Variants in TANC2 observed in about 807,000 individuals in gnomAD.
TANC2 encodes protein TANC2.
A neutral mutation model predicts 210.5 loss-of-function variants in TANC2; 26 were observed. That is an observed-to-expected ratio of 0.12 (90% confidence interval 0.09 to 0.17). TANC2 has a LOEUF of 0.17. Among genes scored for constraint, TANC2 ranks in the 10% least tolerant of loss-of-function variants. TANC2 has a pLI of 1.00. For synonymous variants in TANC2, 931 were observed against 967.1 expected, an observed-to-expected ratio of 0.96 and a Z score of 0.69; for missense variants, 2,129 against 2,608.9, an observed-to-expected ratio of 0.82 and a Z score of 4.01.
chr17:63,238,130 T>C (rs2042674341), intron 8 of TANC2, 53 bp downstream of exon 8: 1 of 1,467,400 alleles, frequency 6.8e-7, no homozygotes, highest in Non-Finnish European at 9.0e-7. Context: ...ATCATTTTAC[T>C]CCAGTATATA....
At chr17:62,980,814 TC>T (rs1454148528) in intron 1 of TANC2, among the ~76,000 whole-genome samples, 1 of 152,244 alleles carries the variant, frequency 6.6e-6, no homozygotes, top group Non-Finnish European at 1.5e-5. Context: ...CTTAATTCTT[TC>T]ATCTCACTGG....
At chr17:63,172,775 TCTA>T (rs1159376508) in intron 5 of TANC2, among the ~76,000 whole-genome samples, 1 of 152,188 alleles carries the variant, frequency 6.6e-6, no homozygotes, top group Admixed American at 6.5e-5. Context: ...ATATGTTCTC[TCTA>T]CTAAGAATTT....
In TANC2 at chr17:63,106,208, G is replaced by A. The variant is rs2037816978; in HGVS notation, c.322+6851G>A. On this transcript the variant is annotated intron_variant, in intron 4 of 27. Coordinates refer to ENST00000689528, the Ensembl canonical transcript of TANC2. ...CAAATCAAAAGTAGAGAATGTTAGA[G>A]GGTTATTACTTAATTCAATATAATA... Among the ~76,000 whole-genome samples the A allele has an allele frequency of 1.3e-5, 2 of 151,554 alleles. 1 individual carries two copies. The highest frequency in any genetic ancestry group is 4.1e-4 in the South Asian group (2 of 4,822).
At chr17:63,202,458 G>A (rs985488443) in intron 7 of TANC2, among the ~76,000 whole-genome samples, 5 of 152,084 alleles carry the variant, frequency 3.3e-5, no homozygotes, top group Non-Finnish European at 7.4e-5. Flanking sequence ...AAGAACATAG[G>A]TGGTAATAAG....
intron 3 of TANC2, among the ~76,000 whole-genome samples, chr17:63,092,264 A>T (rs2037225737): frequency 6.6e-6 from 1 of 152,118 alleles, no homozygotes; most frequent in South Asian, 2.1e-4. Context: ...TTTCTGGGTC[A>T]TATGGTAGGT....
chr17:63,294,027 C>T (rs893316662), intron 9 of TANC2, among the ~76,000 whole-genome samples: 4 of 152,186 alleles, frequency 2.6e-5, no homozygotes, highest in Non-Finnish European at 5.9e-5. Flanking sequence ...CTGCACCCAG[C>T]CCCTACATTT....
At chr17:63,319,000 A>G (rs1312780524) in exon 11 of TANC2, 1 of 1,613,538 alleles carries the variant, frequency 6.2e-7, no homozygotes, top group Admixed American at 1.7e-5. Context: ...AGCCACCTTC[A>G]GCCCACTCAT....
chr17:63,389,215 A>G (rs2047884170), intron 16 of TANC2, 93 bp from the exon 17 acceptor site: 1 of 916,026 alleles, frequency 1.1e-6, no homozygotes, highest in African/African-American at 1.7e-5. Flanking sequence ...GCTACTAGAC[A>G]CTGTTGTAGA....
chr17:63,282,251 GGGA>G (rs1346998338), intron 9 of TANC2, among the ~76,000 whole-genome samples: 2 of 151,806 alleles, frequency 1.3e-5, no homozygotes, highest in African/African-American at 2.4e-5. Flanking sequence ...TAAGAAAAAT[GGGA>G]GAAAACACAA....
At chr17:63,263,845 G>C (rs145575993) in intron 8 of TANC2, among the ~76,000 whole-genome samples, 3 of 152,174 alleles carry the variant, frequency 2.0e-5, no homozygotes, top group African/African-American at 7.2e-5. Flanking sequence ...GTCCCTGCTC[G>C]TGTAGAGCTA....
rs1420746049 is a variant in TANC2, at chr17:63,420,149, G to T, written c.4419G>T (p.Gln1473His). 1 of 1,559,944 alleles carries T rather than the reference G, an allele frequency of 6.4e-7. No individual in the cohort carries two copies. Among genetic ancestry groups the T allele is most frequent in the African/African-American group, 1.4e-5 (1 of 73,528 alleles). Residue 1473 changes from glutamine to histidine, a missense_variant, in exon 28 of 28, where the codon CAG (glutamine) becomes CAT (histidine). Gln to His is a conservative substitution (Grantham distance 24). Transcript: ENST00000689528. This position sits in a 1 kb window ranked among gnomAD's most constrained non-coding sequence, Gnocchi z 4.2. ...CACCGCCGCCACCGCAGCCTCAGCA[G>T]CAGTTGCCGGAAGAAGCAGAACCTG...
chr17:63,030,056 A>C (rs1598283238), intron 2 of TANC2, among the ~76,000 whole-genome samples: 1 of 152,162 alleles, frequency 6.6e-6, no homozygotes, highest in African/African-American at 2.4e-5. Flanking sequence ...ATATCCTTAA[A>C]GCTGCAAGTG....
At chr17:63,156,892 T>G (rs946267654) in intron 5 of TANC2, among the ~76,000 whole-genome samples, 1 of 152,110 alleles carries the variant, frequency 6.6e-6, no homozygotes, top group Non-Finnish European at 1.5e-5. Context: ...GGTCTCACAA[T>G]TTTGTGTAGG....
intron 19 of TANC2, among the ~76,000 whole-genome samples, chr17:63,403,692 A>G (rs905732058): frequency 1.3e-5 from 2 of 152,230 alleles, no homozygotes; most frequent in Non-Finnish European, 2.9e-5. Flanking sequence ...AGGAGTTCCA[A>G]CTAAAATTGA....
At chr17:63,223,291 C>T (rs1598640768) in intron 7 of TANC2, among the ~76,000 whole-genome samples, 2 of 152,124 alleles carry the variant, frequency 1.3e-5, no homozygotes, top group Non-Finnish European at 2.9e-5. Flanking sequence ...CTTGGCTTCT[C>T]TCAAGAAAGA....
At chr17:63,033,835 A>G (rs2034868747) in intron 2 of TANC2, among the ~76,000 whole-genome samples, 1 of 152,138 alleles carries the variant, frequency 6.6e-6, no homozygotes, top group Non-Finnish European at 1.5e-5. Context: ...GAGAGAGAGA[A>G]TTGGAAGTCA....
chr17:63,343,858 T>A (rs988443263), intron 12 of TANC2, among the ~76,000 whole-genome samples: 3 of 152,188 alleles, frequency 2.0e-5, no homozygotes, highest in Non-Finnish European at 4.4e-5. Flanking sequence ...ATCATGCCAC[T>A]GCACTCCAGC....
chr17:63,169,128 T>C (rs1269225662), intron 5 of TANC2, among the ~76,000 whole-genome samples: 3 of 152,182 alleles, frequency 2.0e-5, no homozygotes, highest in African/African-American at 4.8e-5. Flanking sequence ...ACTTTCTCTT[T>C]CCTTCCTCCA....
At chr17:63,358,376 A>AGAGAGAGAGTGTGTGTGTGTGT (rs1470682571) in intron 14 of TANC2, among the ~76,000 whole-genome samples, 37 of 81,032 alleles carry the variant, frequency 4.6e-4, no homozygotes, top group African/African-American at 1.3e-3. Context: ...AGAGAGAGAG[A>AGAGAGAGAGTGTGTGTGTGTGT]GTATGTGTGT....
Sources: allele counts gnomAD v4.1 joint callset (sites outside exome capture counted in the v4.1 genomes callset), GRCh38; gene constraint gnomAD v4.1.1; non-coding constraint Gnocchi (gnomAD v3.1); transcripts MANE v1.5; gene names NCBI Gene and HGNC (gene_info 2026-07-23, HGNC 2026-07-21).